The following MAST4 variants were observed in gnomAD, a reference collection of about 807,000 sequenced individuals.
MAST4 encodes the protein microtubule-associated serine/threonine-protein kinase 4.
Under a neutral mutation model 162.7 loss-of-function variants are expected in MAST4, and 89 were observed. That is an observed-to-expected ratio of 0.55 (90% CI 0.46 to 0.65). MAST4 has a LOEUF of 0.65. Among genes scored for constraint, MAST4 ranks in the 30% least tolerant of loss-of-function variants. The pLI, the probability that MAST4 is intolerant of heterozygous loss-of-function variation, is 0.00. For missense variants in MAST4, 3,153 were observed against 3,374.0 expected, an observed-to-expected ratio of 0.93 and a Z score of 1.62; for synonymous variants, 1,479 against 1,361.1, an observed-to-expected ratio of 1.09 and a Z score of -1.91.
chr5:67,092,536 T>C (rs766540027), intron 6 of MAST4, among the ~76,000 whole-genome samples: 10 of 152,226 alleles, frequency 6.6e-5, no homozygotes, highest in Non-Finnish European at 8.8e-5. Flanking sequence ...ATCCACCTGA[T>C]TGTGGACCTA....
intron 4 of MAST4, among the ~76,000 whole-genome samples, chr5:67,018,863 CTT>C (rs1024771459): frequency 1.4e-4 from 22 of 152,170 alleles, no homozygotes; most frequent in Admixed American, 5.2e-4. Context: ...TTTAATGAAA[CTT>C]ATATAACATT....
chr5:66,766,214 A>G (rs1726790217), intron 2 of MAST4, among the ~76,000 whole-genome samples: 2 of 152,178 alleles, frequency 1.3e-5, no homozygotes, highest in East Asian at 1.9e-4. Flanking sequence ...GCTGTGATGT[A>G]TGTTACAGCC....
intron 4 of MAST4, among the ~76,000 whole-genome samples, chr5:66,924,528 G>C (rs1227839808): frequency 6.6e-6 from 1 of 151,832 alleles, no homozygotes; most frequent in Non-Finnish European, 1.5e-5. Context: ...TGAGTAGCTG[G>C]GACTATAGGC....
intron 4 of MAST4, among the ~76,000 whole-genome samples, chr5:67,005,377 CT>C (rs1384534581): frequency 1.3e-5 from 2 of 152,158 alleles, no homozygotes; most frequent in African/African-American, 4.8e-5. Context: ...GGAGGAGATA[CT>C]TTGTCTAAGT....
intron 4 of MAST4, among the ~76,000 whole-genome samples, chr5:66,941,779 G>C (rs185200361): frequency 3.3e-5 from 5 of 152,142 alleles, no homozygotes; most frequent in Non-Finnish European, 4.4e-5. Flanking sequence ...GAAAATGAGA[G>C]ATGTGTGTCT....
chr5:66,729,491 T>C (rs1751713480), intron 1 of MAST4, among the ~76,000 whole-genome samples: 1 of 152,224 alleles, frequency 6.6e-6, no homozygotes, highest in South Asian at 2.1e-4. Flanking sequence ...CAGCATTCTT[T>C]TTTCATAATG....
intron 1 of MAST4, among the ~76,000 whole-genome samples, chr5:66,734,672 C>T (rs1389854103): frequency 6.6e-6 from 1 of 152,094 alleles, no homozygotes; most frequent in African/African-American, 2.4e-5. Flanking sequence ...AGTATGGTAG[C>T]CATTAGCCAC....
At chr5:66,646,983 G>T (rs911913991) in intron 1 of MAST4, among the ~76,000 whole-genome samples, 18 of 152,234 alleles carry the variant, frequency 1.2e-4, no homozygotes, top group Non-Finnish European at 2.5e-4. Context: ...AGTCATTCCT[G>T]TTGATTTTCT....
chr5:66,815,236 G>T (rs1580519693), intron 3 of MAST4, among the ~76,000 whole-genome samples: 1 of 152,150 alleles, frequency 6.6e-6, no homozygotes, highest in African/African-American at 2.4e-5. Context: ...TATAAAGGAA[G>T]CGACATTTCT....
At chr5:67,070,908 C>T (rs565279027) in intron 5 of MAST4, among the ~76,000 whole-genome samples, 10 of 152,292 alleles carry the variant, frequency 6.6e-5, no homozygotes, top group Non-Finnish European at 8.8e-5. Flanking sequence ...ACAAAGAAGC[C>T]GCATTTTGTG....
chr5:66,621,072 T>C (rs1215472637), intron 1 of MAST4, among the ~76,000 whole-genome samples: 1 of 152,098 alleles, frequency 6.6e-6, no homozygotes, highest in South Asian at 2.1e-4. Context: ...TGAAGAGAGA[T>C]ATAAATGAAG....
intron 2 of MAST4, among the ~76,000 whole-genome samples, chr5:66,771,483 G>A (rs1385968099): frequency 6.6e-6 from 1 of 152,236 alleles, no homozygotes; most frequent in South Asian, 2.1e-4. Context: ...ACTGTGCCTG[G>A]CCTGTGTGTA....
At chr5:66,941,117 A>G (rs1476470049) in intron 4 of MAST4, among the ~76,000 whole-genome samples, 3 of 152,076 alleles carry the variant, frequency 2.0e-5, no homozygotes, top group Admixed American at 6.6e-5. Flanking sequence ...TGCTCTATGT[A>G]TGGAGCACAG....
chr5:66,861,465 A>T (rs145428068), intron 3 of MAST4, among the ~76,000 whole-genome samples: 3 of 152,324 alleles, frequency 2.0e-5, no homozygotes, highest in Non-Finnish European at 4.4e-5. Context: ...CAGATGGGGA[A>T]GCTGAGGCTC....
chr5:66,822,752 T>C (rs569988284), intron 3 of MAST4, among the ~76,000 whole-genome samples: 1 of 152,328 alleles, frequency 6.6e-6, no homozygotes, highest in South Asian at 2.1e-4. Context: ...ACTTATGATA[T>C]GCTCATTTTT....
intron 4 of MAST4, among the ~76,000 whole-genome samples, chr5:66,999,951 G>GAA (rs1180398906): frequency 6.6e-6 from 1 of 152,106 alleles, no homozygotes; most frequent in Non-Finnish European, 1.5e-5. Flanking sequence ...AATAATATTA[G>GAA]AAACGCTTTC....
chr5:66,812,763 C>T (rs554575751), intron 3 of MAST4, among the ~76,000 whole-genome samples: 3 of 152,236 alleles, frequency 2.0e-5, no homozygotes, highest in Admixed American at 1.3e-4. Context: ...TGCTGCGGGG[C>T]GCTGTCAGTG....
At chr5:66,806,171 C>T (rs1756176451) in intron 3 of MAST4, among the ~76,000 whole-genome samples, 1 of 152,130 alleles carries the variant, frequency 6.6e-6, no homozygotes, top group African/African-American at 2.4e-5. Context: ...AGGATGTGCT[C>T]AAAGGGAGAT....
intron 23 of MAST4, among the ~76,000 whole-genome samples, chr5:67,147,396 A>C (rs936834394): frequency 2.0e-5 from 3 of 152,246 alleles, no homozygotes; most frequent in South Asian, 2.1e-4. Context: ...TTGGCAGAAA[A>C]GAAGCTCACG....
Sources: allele counts gnomAD v4.1 joint callset (sites outside exome capture counted in the v4.1 genomes callset), GRCh38; gene constraint gnomAD v4.1.1; transcripts MANE v1.5; gene names NCBI Gene and HGNC (gene_info 2026-07-23, HGNC 2026-07-21).